GASK1A: variants seen among roughly 807,000 people sequenced by gnomAD.
GASK1A encodes the protein Golgi-associated kinase 1A.
Under a neutral mutation model 41.2 loss-of-function variants are expected in GASK1A, and 40 were observed. The observed-to-expected ratio is 0.97, with a 90% CI of 0.75 to 1.27. The LOEUF (loss-of-function observed/expected upper bound fraction) is 1.27. GASK1A is among the 50% of genes most tolerant of loss of function. GASK1A has a pLI of 0.00. For missense variants in GASK1A, 678 were observed against 745.1 expected, an observed-to-expected ratio of 0.91 and a Z score of 1.05; for synonymous variants, 316 against 307.1, an observed-to-expected ratio of 1.03 and a Z score of -0.30.
chr3:43,030,803 C>T (rs1406013138), intron 1 of GASK1A, among the ~76,000 whole-genome samples: 3 of 152,110 alleles, frequency 2.0e-5, no homozygotes, highest in Non-Finnish European at 2.9e-5. Flanking sequence ...GTCGGGGTCC[C>T]TGGATAGATA....
Position 42,990,140 on chromosome 3 carries a change from C to A in GASK1A, c.3+10495C>A, listed in dbSNP as rs555514027. On this transcript the variant is annotated intron_variant, in intron 1 of 4. Transcript: ENST00000430121. ...TTCAGGAGTTCAAGACCAGCCTGGG[C>A]AACATAGACTTTTGTCTATGTTGGG... is the stretch of plus-strand genomic sequence containing the variant. Among the ~76,000 whole-genome samples, 165 of 151,910 alleles carry A rather than the reference C, an allele frequency of 1.1e-3. 8 individuals carry two copies. The South Asian group carries it at 0.033, about 31-fold the overall frequency.
At chr3:42,980,405 G>C (rs2089276625) in intron 1 of GASK1A, among the ~76,000 whole-genome samples, 1 of 152,216 alleles carries the variant, frequency 6.6e-6, no homozygotes, top group Non-Finnish European at 1.5e-5. Flanking sequence ...TAGTTGCTCT[G>C]CTTCTCCCGC....
intron 3 of GASK1A, 127 bp downstream of exon 3, chr3:43,053,770 C>T (rs987879422): frequency 2.8e-6 from 3 of 1,059,836 alleles, no homozygotes; most frequent in Non-Finnish European, 4.3e-6. Context: ...TTCTTTTCAG[C>T]AGCAGAACCA....
At chr3:43,039,641 G>A (rs1474972885) in intron 2 of GASK1A, among the ~76,000 whole-genome samples, 2 of 152,134 alleles carry the variant, frequency 1.3e-5, no homozygotes, top group East Asian at 1.9e-4. Context: ...CATAGGACTC[G>A]ATAGGTAGTT....
chr3:43,019,831 A>G lies in GASK1A; in HGVS notation c.4-12436A>G, dbSNP rs116579773. On this transcript the variant is annotated intron_variant, in intron 1 of 4. Transcript: ENST00000430121. The stretch of plus-strand genomic sequence containing the variant: ...CCTCTACCCCTTCTCCCACCCAGAA[A>G]ACTCTTAAAAAACACTTTACAAGTG... Among the ~76,000 whole-genome samples, 358 of 152,004 alleles carry G rather than the reference A, an allele frequency of 2.4e-3. 3 individuals are homozygous for G. The highest frequency in any genetic ancestry group is 7.8e-3 in the African/African-American group (325 of 41,452).
Position 42,984,809 on chromosome 3 carries a change from G to A in GASK1A, c.3+5164G>A, listed in dbSNP as rs1285384946. On this transcript the variant is annotated intron_variant, in intron 1 of 4. Transcript: ENST00000430121. The surrounding 1 kb of genome is among the most constrained non-coding windows in gnomAD (Gnocchi z 4.2). ...GCATGAATGGCATGCAGGGGAGTGAGCAAGCAGGTGGGGGTCTCCGTGACT... is the reference window on the plus strand; with the variant it reads ...GCATGAATGGCATGCAGGGGAGTGAACAAGCAGGTGGGGGTCTCCGTGACT... Among the ~76,000 whole-genome samples the A allele has an allele frequency of 3.3e-5, 5 of 152,210 alleles. No homozygotes were observed. Among genetic ancestry groups the A allele is most frequent in the Admixed American group, 3.3e-4 (5 of 15,286 alleles).
rs201563630 is a variant in GASK1A, at chr3:43,032,817, G to A, written c.554G>A (p.Trp185Ter). 6.5e-7 allele frequency: 1 copy of A among 1,543,600 alleles called. No individual in the cohort carries two copies. The highest frequency in any genetic ancestry group is 1.4e-5 in the African/African-American group (1 of 73,012). The change falls in exon 2 of 5, where the codon TGG (tryptophan) becomes TAG (stop). Residue 185 changes from tryptophan (W) to a stop codon, truncating the protein, a stop_gained. Coordinates refer to ENST00000430121, the MANE Select transcript of GASK1A (RefSeq NM_001129908.3). LOFTEE classifies it high-confidence loss of function. ...AGTGACATGGCAGCTTTACCGGCTT[G>A]GAGAGCTACTTCTGGGCTGACACTC... The part of the protein sequence containing the change: ...PGSDMAALPA[W>*]RATSGLTLWP...
intron 1 of GASK1A, among the ~76,000 whole-genome samples, chr3:43,011,256 C>T (rs1196813850): frequency 6.6e-6 from 1 of 151,976 alleles, no homozygotes; most frequent in African/African-American, 2.4e-5. Flanking sequence ...GTGGCGTGCG[C>T]CTGTAGTCCC....
Position 42,984,905 on chromosome 3 carries a change from CGTT to C in GASK1A, c.3+5263_3+5265del, listed in dbSNP as rs1200067403. Reference sequence around the variant, plus strand: ...AGGCAGAGCTAGGTTGTAAGGTCATCGTTGTCTTGAGATACTCTCCAGGTGGGA... The same window carrying C: ...AGGCAGAGCTAGGTTGTAAGGTCATCGTCTTGAGATACTCTCCAGGTGGGA... On this transcript the variant is annotated intron_variant, in intron 1 of 4. Coordinates refer to ENST00000430121, the MANE Select transcript of GASK1A (RefSeq NM_001129908.3). This position sits in a 1 kb window ranked among gnomAD's most constrained non-coding sequence, Gnocchi z 4.2. Among the ~76,000 whole-genome samples the C allele has an allele frequency of 6.6e-6, 1 of 152,104 alleles. No homozygotes were observed. Among genetic ancestry groups the C allele is most frequent in the Non-Finnish European group, 1.5e-5 (1 of 68,030 alleles).
intron 1 of GASK1A, among the ~76,000 whole-genome samples, chr3:42,997,211 C>T (rs2089380230): frequency 6.6e-6 from 1 of 152,196 alleles, no homozygotes; most frequent in South Asian, 2.1e-4. Context: ...GACTCTGCAA[C>T]TCCCTTTCAG....
chr3:42,998,743 C>T (rs2089390313), intron 1 of GASK1A, among the ~76,000 whole-genome samples: 1 of 152,166 alleles, frequency 6.6e-6, no homozygotes, highest in Non-Finnish European at 1.5e-5. Flanking sequence ...TACTCCCGCT[C>T]CCTGTGACCT....
intron 1 of GASK1A, among the ~76,000 whole-genome samples, chr3:43,001,787 C>T (rs2089410617): frequency 6.6e-6 from 1 of 152,118 alleles, no homozygotes; most frequent in Non-Finnish European, 1.5e-5. Context: ...GTCAAGTTTG[C>T]TTTGGAGGAA....
chr3:43,019,204 T>G (rs545982388), intron 1 of GASK1A, among the ~76,000 whole-genome samples: 1 of 152,210 alleles, frequency 6.6e-6, no homozygotes, highest in Non-Finnish European at 1.5e-5. Flanking sequence ...GGGGCAAAAG[T>G]CCGCTCTTGT....
chr3:43,032,417 G>T lies in GASK1A; in HGVS notation c.154G>T (p.Val52Leu), dbSNP rs955458772. ...PDPGPMEPQG[V>L]TGAPATHIRQ... is the part of the protein sequence containing the mutation. ...CCCTGGTCCCATGGAGCCTCAGGGG[G>T]TAACTGGCGCCCCTGCAACCCATAT... Residue 52 changes from valine to leucine, a missense_variant, in exon 2 of 5, where the codon GTA becomes TTA. Transcript: ENST00000430121. 3.2e-6 allele frequency: 5 copies of T among 1,551,252 alleles called. No homozygotes were observed. Among genetic ancestry groups the T allele is most frequent in the Non-Finnish European group, 2.6e-6 (3 of 1,146,668 alleles).
At chr3:43,004,287 G>A (rs972498005) in intron 1 of GASK1A, among the ~76,000 whole-genome samples, 9 of 152,320 alleles carry the variant, frequency 5.9e-5, no homozygotes, top group African/African-American at 1.9e-4. Context: ...CCAAGGAGAC[G>A]TTTAGCTGCT....
intron 1 of GASK1A, among the ~76,000 whole-genome samples, chr3:42,997,445 G>T (rs1006101910): frequency 2.6e-5 from 4 of 151,422 alleles, no homozygotes; most frequent in East Asian, 1.9e-4. Context: ...AGAGGGGGGG[G>T]GGATCTGGGA....
chr3:43,053,380 C>T (rs1001225538), intron 2 of GASK1A, 141 bp from the exon 3 acceptor site: 1 of 927,070 alleles, frequency 1.1e-6, no homozygotes, highest in Non-Finnish European at 1.6e-6. Context: ...TTAGTAATGA[C>T]CAGCACAGAG....
intron 4 of GASK1A, 79 bp from the exon 5 acceptor site, chr3:43,056,097 G>T (rs898527855): frequency 1.3e-4 from 152 of 1,169,574 alleles, no homozygotes; most frequent in Non-Finnish European, 1.7e-4. Context: ...TGGCCATCTG[G>T]CATCACCTGT....
At position 43,053,684 on chromosome 3, in the gene GASK1A, A is replaced by C. The variant is rs1239817651; in HGVS notation, c.1413+41A>C. The C allele has an allele frequency of 5.2e-6, 8 of 1,550,962 alleles. No homozygotes were observed. The Admixed American group carries it at 1.6e-4, about 30-fold the overall frequency. The stretch of plus-strand genomic sequence containing the variant: ...ACCATCCCCTTGTCACCCCAGACCC[A>C]GGTCTTTCTGTGTCCTTCAGAAGAT... On this transcript the variant is annotated intron_variant, in intron 3 of 4. Coordinates refer to ENST00000430121, the MANE Select transcript of GASK1A (RefSeq NM_001129908.3).
Sources: allele counts gnomAD v4.1 joint callset (sites outside exome capture counted in the v4.1 genomes callset), GRCh38; gene constraint gnomAD v4.1.1; non-coding constraint Gnocchi (gnomAD v3.1); transcripts MANE v1.5; gene names NCBI Gene and HGNC (gene_info 2026-07-23, HGNC 2026-07-21).